Variants in TUBGCP5 observed in about 807,000 individuals in gnomAD.
TUBGCP5 encodes the protein tubulin gamma complex component 5, also known as gamma-tubulin complex component 5.
TUBGCP5 carries 98 observed loss-of-function variants against 134.7 expected under a neutral mutation model. The observed-to-expected ratio is 0.73, with a 90% CI of 0.62 to 0.86. TUBGCP5 has a LOEUF of 0.86. Among genes scored for constraint, TUBGCP5 ranks in the 40% least tolerant of loss-of-function variants. TUBGCP5 has a pLI of 0.00. For missense variants in TUBGCP5, 1,150 were observed against 1,244.8 expected, an observed-to-expected ratio of 0.92 and a Z score of 1.15; for synonymous variants, 456 against 431.4, an observed-to-expected ratio of 1.06 and a Z score of -0.71.
In TUBGCP5 at chr15:23,024,132, T is replaced by C; in HGVS notation, c.983A>G (p.Gln328Arg). The change falls in exon 10 of 23, where the codon CAG (glutamine) becomes CGG (arginine). Residue 328 changes from glutamine (Q) to arginine (R), a missense_variant. By Grantham distance (43) the Gln-to-Arg change is conservative. Coordinates refer to ENST00000615383, the MANE Select transcript of TUBGCP5 (RefSeq NM_052903.6). ...TCCCATGACTTCATCAATGAACTCCTGGAGTCGAAACACAACCTGGCCATA... is the reference window on the plus strand; with the variant it reads ...TCCCATGACTTCATCAATGAACTCCCGGAGTCGAAACACAACCTGGCCATA... The part of the protein sequence containing the change: ...AAYGQVVFRL[Q>R]EFIDEVMGHS... 1.9e-6 allele frequency: 3 copies of C among 1,614,168 alleles called. No individual in the cohort carries two copies. Among genetic ancestry groups the C allele is most frequent in the Non-Finnish European group, 2.5e-6 (3 of 1,180,026 alleles).
At chr15:22,994,584 G>A (rs1229164865), downstream of TUBGCP5, among the ~76,000 whole-genome samples, 3 of 152,258 alleles carry the variant, frequency 2.0e-5, no homozygotes, top group East Asian at 3.9e-4. Flanking sequence ...TGGGTAAATT[G>A]AAGCTGTTTA....
chr15:22,995,158 C>G (rs2064009410), downstream of TUBGCP5, among the ~76,000 whole-genome samples: 3 of 152,026 alleles, frequency 2.0e-5, no homozygotes, highest in Non-Finnish European at 2.9e-5. Flanking sequence ...GCAGGAGAAT[C>G]ACTTGAACCT....
intron 6 of TUBGCP5, among the ~76,000 whole-genome samples, chr15:23,030,114 G>A (rs1298676419): frequency 6.6e-6 from 1 of 152,142 alleles, no homozygotes; most frequent in Non-Finnish European, 1.5e-5. Flanking sequence ...AGGATCGCTT[G>A]AGGCCAGGAG....
chr15:22,992,529 T>A (rs1213462035), intron 23 of TUBGCP5, among the ~76,000 whole-genome samples: 1 of 152,138 alleles, frequency 6.6e-6, no homozygotes, highest in Non-Finnish European at 1.5e-5. Context: ...ACATGTATAT[T>A]AATGGCTCTG....
At chr15:23,000,198 C>T (rs746340276) in intron 22 of TUBGCP5, 98 of 1,070,886 alleles carry the variant, frequency 9.2e-5, no homozygotes, top group African/African-American at 2.6e-4. Context: ...TGAGCCACCG[C>T]GCCAGGCCAG....
At position 23,006,570 on chromosome 15, in the gene TUBGCP5, G is replaced by A. The variant is rs3213932; in HGVS notation, c.2328-218C>T. ...GAGAGGGAGAAAACTTTTAAACAAT[G>A]AGTTTAGTTAAAGAGACACTTAACA... On this transcript the variant is annotated intron_variant, in intron 16 of 22. Transcript: ENST00000615383. 0.087 allele frequency among the ~76,000 whole-genome samples: 13,296 copies of A among 152,156 alleles called. 1,055 individuals are homozygous for A. Among genetic ancestry groups the A allele is most frequent in the East Asian group, 0.46 (2,361 of 5,164 alleles).
chr15:23,019,919 G>C (rs1026728753), intron 11 of TUBGCP5, among the ~76,000 whole-genome samples: 1 of 152,134 alleles, frequency 6.6e-6, no homozygotes, highest in African/African-American at 2.4e-5. Context: ...TGTATCCTGA[G>C]ATAGCCCAGG....
At chr15:23,019,465 T>A in intron 11 of TUBGCP5, 131 bp from the exon 12 acceptor site, 1 of 670,612 alleles carries the variant, frequency 1.5e-6, no homozygotes, top group Non-Finnish European at 2.6e-6. Flanking sequence ...ACAAAGAAAT[T>A]AAAAATCCAA....
At chr15:23,010,174 G>A in intron 14 of TUBGCP5, 41 bp from the exon 15 acceptor site, 1 of 1,581,510 alleles carries the variant, frequency 6.3e-7, no homozygotes. Flanking sequence ...ATGAGCTGCT[G>A]TCAACAGAAC....
At chr15:22,989,821 G>A (rs959737045) in intron 23 of TUBGCP5, among the ~76,000 whole-genome samples, 16 of 152,142 alleles carry the variant, frequency 1.1e-4, no homozygotes, top group East Asian at 1.9e-4. Flanking sequence ...AAGTTGACTC[G>A]CTGTGGGAAC....
At chr15:22,989,427 G>T (rs1279665999) in intron 23 of TUBGCP5, among the ~76,000 whole-genome samples, 1 of 151,900 alleles carries the variant, frequency 6.6e-6, no homozygotes, top group African/African-American at 2.4e-5. Context: ...GAACAGCTGG[G>T]ACAGCCTCAC....
chr15:23,028,216 A>C (rs1012333043), intron 6 of TUBGCP5, among the ~76,000 whole-genome samples: 1 of 151,898 alleles, frequency 6.6e-6, no homozygotes, highest in Non-Finnish European at 1.5e-5. Context: ...TCATCTCTAC[A>C]AAAAAGTAAC....
rs527350492 is a variant in TUBGCP5, at chr15:23,029,542, C to T, written c.622+1343G>A. Among the ~76,000 whole-genome samples the T allele has an allele frequency of 2.0e-5, 3 of 152,198 alleles. No homozygotes were observed. In the East Asian group the frequency reaches 5.8e-4, roughly 29 times the overall value. On this transcript the variant is annotated intron_variant, in intron 6 of 22. Transcript: ENST00000615383. ...GGCCTTTTTTTTCTTTAAAGTTTACCACCCTGCTTCCAAAATGTCTATAGA... is the reference window on the plus strand; with the variant it reads ...GGCCTTTTTTTTCTTTAAAGTTTACTACCCTGCTTCCAAAATGTCTATAGA...
chr15:23,025,182 G>A (rs1432149443), intron 8 of TUBGCP5, among the ~76,000 whole-genome samples: 2 of 152,160 alleles, frequency 1.3e-5, no homozygotes, highest in Non-Finnish European at 1.5e-5. Context: ...GATTACAGGT[G>A]TGAACCACCA....
At chr15:23,028,904 G>A (rs2066134330) in intron 6 of TUBGCP5, among the ~76,000 whole-genome samples, 1 of 152,066 alleles carries the variant, frequency 6.6e-6, no homozygotes, top group African/African-American at 2.4e-5. Flanking sequence ...ATCTATATAA[G>A]AAACCAAATG....
rs1224453894 is a variant in TUBGCP5 at position 23,003,170 on chromosome 15, C to A, written c.2839-17G>T. ...AAAGCTGACCTGCAGACCAAAGTCA[C>A]AGAACACAAACTGTGTAACTAGGTT... On this transcript the variant is annotated splice_polypyrimidine_tract_variant and intron_variant, in intron 20 of 22. Coordinates refer to ENST00000615383, the MANE Select transcript of TUBGCP5 (RefSeq NM_052903.6). 1 of 1,612,526 alleles carries A rather than the reference C, an allele frequency of 6.2e-7. No individual in the cohort carries two copies. The highest frequency in any genetic ancestry group is 2.2e-5 in the East Asian group (1 of 44,886).
rs767851236 is a variant in TUBGCP5 at position 23,024,085 on chromosome 15, G to C, written c.1030C>G (p.Pro344Ala). ...VMGHSSESMLPGSGSVPKKST... is the reference protein window; with the variant it reads ...VMGHSSESMLAGSGSVPKKST... ...TTCTTAGGAACAGACCCACTTCCAG[G>C]CAGCATGCTCTCAGAACTGTGTCCC... Residue 344 changes from proline (P) to alanine (A), a missense_variant, in exon 10 of 23, where the codon CCT (proline) becomes GCT (alanine). Pro to Ala is a conservative substitution (Grantham distance 27). Coordinates refer to ENST00000615383, the MANE Select transcript of TUBGCP5 (RefSeq NM_052903.6). 6.2e-6 allele frequency: 10 copies of C among 1,614,106 alleles called. No homozygotes were observed. Among genetic ancestry groups the C allele is most frequent in the Non-Finnish European group, 8.5e-6 (10 of 1,180,002 alleles).
In TUBGCP5 at chr15:22,999,555, C is replaced by G. The variant is rs2064249242; in HGVS notation, c.*265G>C. 3 of 449,654 alleles carry G rather than the reference C, an allele frequency of 6.7e-6. No homozygotes were observed. The highest frequency in any genetic ancestry group is 1.2e-5 in the Non-Finnish European group (3 of 243,634). 27.9% of individuals were successfully genotyped at this position (449,654 alleles called of 1,614,324 possible). ...AGCTGGGACTACAGGTACACACCAC[C>G]ATGTCTGGATACATTTTGTATTTTT... On this transcript the variant is annotated 3_prime_UTR_variant, in exon 23 of 23. Coordinates refer to ENST00000615383, the MANE Select transcript of TUBGCP5 (RefSeq NM_052903.6).
chr15:23,004,428 A>G, intron 19 of TUBGCP5: 1 of 569,160 alleles, frequency 1.8e-6, no homozygotes, highest in South Asian at 2.5e-5. Flanking sequence ...CGGCGGGGGC[A>G]ATCCTGTAGG....
Sources: gnomAD v4.1 joint callset for allele counts (sites outside exome capture counted in the v4.1 genomes callset) on GRCh38, gnomAD v4.1.1 for gene constraint, MANE v1.5 for transcripts, NCBI Gene and HGNC (gene_info 2026-07-23, HGNC 2026-07-21) for gene names.